Variants in STAU2 observed in about 807,000 individuals in gnomAD.
STAU2 encodes double-stranded RNA-binding protein Staufen homolog 2.
Under a neutral mutation model 65.9 loss-of-function variants are expected in STAU2, and 20 were observed. The ratio of observed to expected loss-of-function variants is 0.30; its 90% CI spans 0.21 to 0.44. STAU2 has a LOEUF of 0.44. Ranked by LOEUF, STAU2 falls within the 20% of genes least tolerant of loss-of-function variation. The pLI, the probability that STAU2 is intolerant of heterozygous loss-of-function variation, is 1.00. For synonymous variants in STAU2, 232 were observed against 233.9 expected, an observed-to-expected ratio of 0.99 and a Z score of 0.07; for missense variants, 558 against 683.9, an observed-to-expected ratio of 0.82 and a Z score of 2.05.
chr8:73,463,728 C>A (rs933872258), intron 13 of STAU2, among the ~76,000 whole-genome samples: 7 of 152,176 alleles, frequency 4.6e-5, no homozygotes, highest in Non-Finnish European at 8.8e-5. Flanking sequence ...CCTTGTTTAT[C>A]TCATATCTGG....
At chr8:73,671,084 A>T in intron 6 of STAU2, among the ~76,000 whole-genome samples, 1 of 145,830 alleles carries the variant, frequency 6.9e-6, no homozygotes, top group South Asian at 2.1e-4. Context: ...ACAAATATCT[A>T]AAAAAAAAAC....
chr8:73,510,502 T>C (rs968977515), intron 13 of STAU2, among the ~76,000 whole-genome samples: 1 of 152,230 alleles, frequency 6.6e-6, no homozygotes, highest in African/African-American at 2.4e-5. Context: ...TTTCAAAATA[T>C]ACATATATGG....
chr8:73,424,834 G>T (rs56827311), intron 13 of STAU2, among the ~76,000 whole-genome samples: 6,098 of 151,642 alleles, frequency 0.04, 281 homozygotes, highest in Admixed American at 0.13. Flanking sequence ...TTTAAATCAG[G>T]CTTCCTAGAT....
At chr8:73,719,170 G>A (rs1257387982) in intron 3 of STAU2, among the ~76,000 whole-genome samples, 2 of 152,130 alleles carry the variant, frequency 1.3e-5, no homozygotes, top group Non-Finnish European at 2.9e-5. Flanking sequence ...TTGGGAGGCC[G>A]AGGCAGGTGG....
intron 6 of STAU2, among the ~76,000 whole-genome samples, chr8:73,622,123 ATTTTT>A (rs71269924): frequency 0.044 from 1,105 of 24,912 alleles, 65 homozygotes; most frequent in African/African-American, 0.062. Flanking sequence ...TGCCCAGCTA[ATTTTT>A]TTTTTTTTTT....
intron 6 of STAU2, among the ~76,000 whole-genome samples, chr8:73,632,799 T>C (rs1814198237): frequency 6.6e-6 from 1 of 152,218 alleles, no homozygotes; most frequent in Admixed American, 6.5e-5. Flanking sequence ...TAGTTGTCAC[T>C]TGACTCTTGT....
rs71561522 is a variant in STAU2, at chr8:73,429,413, CTTTTTTTTTTTTTTT to C, written c.1531-6726_1531-6712del. 5.2e-3 allele frequency among the ~76,000 whole-genome samples: 338 copies of C among 65,338 alleles called. 2 individuals are homozygous for C. The highest frequency in any genetic ancestry group is 0.013 in the African/African-American group (301 of 22,328). 42.9% of individuals were successfully genotyped at this position (65,338 alleles called of 152,430 possible). A position where few individuals can be genotyped will look rare whatever the true frequency, so the allele number is the denominator to read the frequency against. On this transcript the variant is annotated intron_variant, in intron 13 of 14. Transcript: ENST00000524300. Reference sequence around the variant, plus strand: ...AACCAATCTATATTCTTGCTCAGGTCTTTTTTTTTTTTTTTTTTTTTTTTTTTTTTTTTTTTTGAG... The same window carrying C: ...AACCAATCTATATTCTTGCTCAGGTCTTTTTTTTTTTTTTTTTTTTTTGAG...
intron 6 of STAU2, among the ~76,000 whole-genome samples, chr8:73,637,114 A>G (rs541384636): frequency 1.4e-4 from 21 of 152,104 alleles, no homozygotes; most frequent in Admixed American, 1.2e-3. Flanking sequence ...AGAAAAAAAG[A>G]AGTTAAAAAA....
At chr8:73,460,409 A>G (rs1416013162) in intron 13 of STAU2, among the ~76,000 whole-genome samples, 1 of 152,216 alleles carries the variant, frequency 6.6e-6, no homozygotes, top group Non-Finnish European at 1.5e-5. Context: ...TGTATGGTGA[A>G]TTACTACAGG....
rs1384315295 is a variant in STAU2, at chr8:73,493,848, C to T, written c.1530+58164G>A. Among the ~76,000 whole-genome samples the T allele has an allele frequency of 1.3e-5, 2 of 151,702 alleles. 1 individual carries two copies. Among genetic ancestry groups the T allele is most frequent in the Middle Eastern group, 6.3e-3 (2 of 316 alleles). On this transcript the variant is annotated intron_variant, in intron 13 of 14. Transcript: ENST00000524300. The stretch of plus-strand genomic sequence containing the variant: ...AAATGGAAACAGTTCAGGTGTCTAT[C>T]AAAAGGAAAATGAACAAACAAACTG...
Position 73,730,292 on chromosome 8 carries a change from A to T in STAU2, c.-18+7992T>A, listed in dbSNP as rs541119705. Among the ~76,000 whole-genome samples the T allele has an allele frequency of 3.9e-5, 6 of 152,270 alleles. No individual in the cohort carries two copies. The South Asian group carries it at 1.2e-3, about 32-fold the overall frequency. On this transcript the variant is annotated intron_variant, in intron 3 of 14. Coordinates refer to ENST00000524300, the MANE Select transcript of STAU2 (RefSeq NM_001164380.2). Reference sequence around the variant, plus strand: ...TCCATATATTTGTAAATTTTCCAGTATTCCTTCTGTTAATGATTACTAACT... The same window carrying T: ...TCCATATATTTGTAAATTTTCCAGTTTTCCTTCTGTTAATGATTACTAACT...
intron 13 of STAU2, among the ~76,000 whole-genome samples, chr8:73,455,384 G>C (rs979511515): frequency 6.6e-6 from 1 of 152,106 alleles, no homozygotes; most frequent in African/African-American, 2.4e-5. Flanking sequence ...GAAGGTTTTG[G>C]GAGCCAGGAG....
intron 6 of STAU2, among the ~76,000 whole-genome samples, chr8:73,622,516 C>G (rs1329665842): frequency 6.6e-6 from 1 of 152,116 alleles, no homozygotes; most frequent in East Asian, 1.9e-4. Flanking sequence ...TAACAAATGT[C>G]CCCAAAAGAG....
intron 13 of STAU2, among the ~76,000 whole-genome samples, chr8:73,531,379 T>C (rs1182393630): frequency 1.3e-5 from 2 of 152,152 alleles, no homozygotes; most frequent in South Asian, 2.1e-4. Flanking sequence ...TGGAGAAATA[T>C]AAAATCATTC....
rs536646347 is a variant in STAU2, at chr8:73,573,995, A to C, written c.1222+8775T>G. On this transcript the variant is annotated intron_variant, in intron 12 of 14. Transcript: ENST00000524300. ...CTACAGAATAGGAGAAAATTTTTGC[A>C]ATCTACCCATCTGACAAAGGGCTGA... Among the ~76,000 whole-genome samples, 5 of 152,336 alleles carry C rather than the reference A, an allele frequency of 3.3e-5. No homozygotes were observed. The South Asian group carries it at 6.2e-4, about 19-fold the overall frequency.
At chr8:73,550,248 T>C (rs1807233372) in intron 13 of STAU2, 2 of 985,358 alleles carry the variant, frequency 2.0e-6, no homozygotes, top group East Asian at 1.1e-4. Context: ...GAGTATATTA[T>C]GTAAGCATAA....
intron 12 of STAU2, among the ~76,000 whole-genome samples, chr8:73,555,819 G>A (rs375905647): frequency 2.0e-5 from 3 of 152,108 alleles, no homozygotes; most frequent in Non-Finnish European, 2.9e-5. Flanking sequence ...AATTCTTCAC[G>A]GATATCAAGG....
At chr8:73,534,287 T>C (rs1344135090) in intron 13 of STAU2, among the ~76,000 whole-genome samples, 1 of 152,228 alleles carries the variant, frequency 6.6e-6, no homozygotes, top group Admixed American at 6.5e-5. Flanking sequence ...TCGCAACGTC[T>C]GCACCTCAGT....
At position 73,496,382 on chromosome 8, in the gene STAU2, G is replaced by C. The variant is rs558103332; in HGVS notation, c.1530+55630C>G. ...TACTTAGATGTATATGCTCTGGAATGTGTATGTGTCTGTGTGTTGTAACTG... is the reference window on the plus strand; with the variant it reads ...TACTTAGATGTATATGCTCTGGAATCTGTATGTGTCTGTGTGTTGTAACTG... On this transcript the variant is annotated intron_variant, in intron 13 of 14. Transcript: ENST00000524300. Among the ~76,000 whole-genome samples, 7 of 151,760 alleles carry C rather than the reference G, an allele frequency of 4.6e-5. No individual in the cohort carries two copies. The South Asian group carries it at 1.5e-3, about 31-fold the overall frequency.
Sources: allele counts gnomAD v4.1 joint callset (sites outside exome capture counted in the v4.1 genomes callset), GRCh38; gene constraint gnomAD v4.1.1; transcripts MANE v1.5; gene names NCBI Gene and HGNC (gene_info 2026-07-23, HGNC 2026-07-21).